DLGAP2: variants seen among roughly 807,000 people sequenced by gnomAD.
DLGAP2 encodes the protein disks large-associated protein 2.
Under a neutral mutation model 100.3 loss-of-function variants are expected in DLGAP2, and 26 were observed. That is an observed-to-expected ratio of 0.26 (90% CI 0.19 to 0.36). DLGAP2 has a LOEUF of 0.36. DLGAP2 is among the 10% of genes least tolerant of loss of function. The pLI, the probability that DLGAP2 is intolerant of heterozygous loss-of-function variation, is 1.00. For missense variants in DLGAP2, 1,858 were observed against 1,453.2 expected (o/e 1.28, Z -4.53); for synonymous variants, 886 against 630.1 (o/e 1.41, Z -6.08).
At chr8:1,669,999 G>A (rs1182620351) in intron 10 of DLGAP2, among the ~76,000 whole-genome samples, 1 of 152,096 alleles carries the variant, frequency 6.6e-6, no homozygotes, top group East Asian at 1.9e-4. Flanking sequence ...GGGCTCCGGC[G>A]CCGGTAAGCA....
At chr8:1,110,648 G>A (rs1804925675) in intron 2 of DLGAP2, among the ~76,000 whole-genome samples, 1 of 152,050 alleles carries the variant, frequency 6.6e-6, no homozygotes, top group South Asian at 2.1e-4. Context: ...TGAAATTAGG[G>A]GAAAACAATG....
At chr8:1,348,248 G>C (rs564882300) in intron 3 of DLGAP2, among the ~76,000 whole-genome samples, 1 of 149,836 alleles carries the variant, frequency 6.7e-6, no homozygotes, top group African/African-American at 2.4e-5. Context: ...TTCCTACACA[G>C]AGCTACATTG....
chr8:1,212,621 G>T (rs940881078), intron 2 of DLGAP2, among the ~76,000 whole-genome samples: 6 of 152,126 alleles, frequency 3.9e-5, no homozygotes, highest in African/African-American at 1.4e-4. Flanking sequence ...ATCAAGGAAG[G>T]CTGCCTGGAG....
chr8:1,569,662 C>T (rs1283068588), intron 6 of DLGAP2, among the ~76,000 whole-genome samples: 1 of 152,198 alleles, frequency 6.6e-6, no homozygotes, highest in Non-Finnish European at 1.5e-5. Context: ...CTCAGGGAAG[C>T]TCTCATGATG....
At chr8:1,347,294 T>C (rs1031285353) in intron 3 of DLGAP2, among the ~76,000 whole-genome samples, 3 of 151,842 alleles carry the variant, frequency 2.0e-5, no homozygotes, top group Admixed American at 6.6e-5. Flanking sequence ...ACGGTAGCTG[T>C]GTGGAGGTTG....
intron 6 of DLGAP2, among the ~76,000 whole-genome samples, chr8:1,592,420 C>A (rs910849583): frequency 2.6e-5 from 4 of 151,968 alleles, no homozygotes; most frequent in Admixed American, 2.0e-4. Flanking sequence ...CTTGACTTTA[C>A]CCCTGTGTTT....
At chr8:1,150,481 T>TTCTA (rs1796677850) in intron 2 of DLGAP2, among the ~76,000 whole-genome samples, 1 of 151,880 alleles carries the variant, frequency 6.6e-6, no homozygotes, top group Admixed American at 6.6e-5. Context: ...CTGAAGAATC[T>TTCTA]TCTATCTGGG....
At chr8:902,366 G>A (rs949340417) in intron 1 of DLGAP2, among the ~76,000 whole-genome samples, 23 of 150,484 alleles carry the variant, frequency 1.5e-4, no homozygotes, top group Non-Finnish European at 3.0e-4. Flanking sequence ...GGGGCTGGGG[G>A]GGCACTCCAA....
chr8:1,335,475 G>A (rs988583028), intron 3 of DLGAP2, among the ~76,000 whole-genome samples: 2 of 152,174 alleles, frequency 1.3e-5, no homozygotes, highest in African/African-American at 4.8e-5. Flanking sequence ...GCTTCCTCTG[G>A]AGGAATGGGT....
intron 2 of DLGAP2, among the ~76,000 whole-genome samples, chr8:1,110,274 T>C (rs563868541): frequency 1.2e-4 from 16 of 136,572 alleles, no homozygotes; most frequent in African/African-American, 4.5e-4. Flanking sequence ...TGACATGTGC[T>C]GGATCTGTGA....
At chr8:752,354 C>G (rs1563411913) in intron 1 of DLGAP2, among the ~76,000 whole-genome samples, 1 of 152,240 alleles carries the variant, frequency 6.6e-6, no homozygotes, top group Non-Finnish European at 1.5e-5. Flanking sequence ...TTCCTCCAGC[C>G]TAGTGTGCCC....
intron 3 of DLGAP2, among the ~76,000 whole-genome samples, chr8:1,491,249 T>A (rs1799376384): frequency 6.6e-6 from 1 of 152,018 alleles, no homozygotes; most frequent in South Asian, 2.1e-4. Context: ...GTAACTGGCG[T>A]CCCAGGTTGC....
intron 2 of DLGAP2, among the ~76,000 whole-genome samples, chr8:1,061,514 T>TC (rs930742265): frequency 4.0e-5 from 6 of 151,756 alleles, no homozygotes; most frequent in African/African-American, 1.5e-4. Flanking sequence ...CTTATTTGCA[T>TC]CCCCCCCTCC....
intron 2 of DLGAP2, among the ~76,000 whole-genome samples, chr8:1,069,551 C>T (rs1054564505): frequency 1.3e-5 from 2 of 152,120 alleles, no homozygotes; most frequent in African/African-American, 2.4e-5. Context: ...CCTGCACATC[C>T]GAGAGTCCGA....
chr8:1,494,847 A>C (rs530971025), intron 3 of DLGAP2, among the ~76,000 whole-genome samples: 25 of 152,314 alleles, frequency 1.6e-4, no homozygotes, highest in African/African-American at 5.5e-4. Flanking sequence ...GCTCAGCTTC[A>C]CGGAGATCTA....
chr8:1,321,143 G>T (rs1713312485), intron 3 of DLGAP2, among the ~76,000 whole-genome samples: 2 of 152,056 alleles, frequency 1.3e-5, no homozygotes, highest in Non-Finnish European at 2.9e-5. Context: ...CTCTGCATGT[G>T]TGCATGCATC....
intron 3 of DLGAP2, among the ~76,000 whole-genome samples, chr8:1,431,583 T>C (rs1324816402): frequency 2.0e-5 from 3 of 152,226 alleles, no homozygotes; most frequent in Admixed American, 6.5e-5. Context: ...AAGGCAGCAC[T>C]GGCCACATCC....
rs562389904 is a variant in DLGAP2 at position 878,727 on chromosome 8, G to A, written c.19-29185G>A. 5.0e-3 allele frequency among the ~76,000 whole-genome samples: 768 copies of A among 152,262 alleles called. 6 individuals carry two copies. The highest frequency in any genetic ancestry group is 0.01 in the Middle Eastern group (3 of 294). On this transcript the variant is annotated intron_variant, in intron 1 of 14. Coordinates refer to ENST00000637795, the MANE Select transcript of DLGAP2 (RefSeq NM_001346810.2). ...CTCCTGGGAATGGGTTGCTTTCCAA[G>A]AAGGTGGATTTTATAAAGTGAGGCC...
intron 3 of DLGAP2, among the ~76,000 whole-genome samples, chr8:1,411,552 G>C (rs1440476595): frequency 6.6e-6 from 1 of 152,170 alleles, no homozygotes; most frequent in African/African-American, 2.4e-5. Context: ...GTAGAGCCTT[G>C]GGCAGATTAA....
Sources: allele counts gnomAD v4.1 joint callset (sites outside exome capture counted in the v4.1 genomes callset), GRCh38; gene constraint gnomAD v4.1.1; transcripts MANE v1.5; gene names NCBI Gene and HGNC (gene_info 2026-07-23, HGNC 2026-07-21).